Variants in MARCHF1 observed in about 807,000 individuals in gnomAD.
MARCHF1 encodes membrane associated ring-CH-type finger 1.
A neutral mutation model predicts 54.2 loss-of-function variants in MARCHF1; 40 were observed. That is an observed-to-expected ratio of 0.74 (90% CI 0.57 to 0.96). The LOEUF is 0.96. MARCHF1 is among the 40% of genes least tolerant of loss of function. MARCHF1 has a pLI of 0.00. For missense variants in MARCHF1, 586 were observed against 656.5 expected, an observed-to-expected ratio of 0.89 and a Z score of 1.17; for synonymous variants, 236 against 236.3, an observed-to-expected ratio of 1.00 and a Z score of 0.01.
At chr4:164,248,212 T>G (rs1478104343) in intron 1 of MARCHF1, among the ~76,000 whole-genome samples, 4 of 152,078 alleles carry the variant, frequency 2.6e-5, no homozygotes, top group African/African-American at 9.7e-5. Flanking sequence ...TAGTGACCAA[T>G]ATTCTCGAGC....
Position 164,375,642 on chromosome 4 carries a change from T to C in MARCHF1, c.-323+8228A>G, listed in dbSNP as rs148027187. Among the ~76,000 whole-genome samples the C allele has an allele frequency of 3.1e-3, 479 of 152,298 alleles. 1 individual carries two copies. The highest frequency in any genetic ancestry group is 0.01 in the African/African-American group (434 of 41,566). On this transcript the variant is annotated intron_variant, in intron 1 of 9. Transcript: ENST00000514618. The stretch of plus-strand genomic sequence containing the variant: ...TTTGCAAATAGATGGTCTGTATTTG[T>C]TAGCACCTTTTTACTGCTCCCCTAC...
intron 2 of MARCHF1, among the ~76,000 whole-genome samples, chr4:164,067,903 G>A (rs1001219050): frequency 2.1e-5 from 3 of 144,786 alleles, no homozygotes; most frequent in Non-Finnish European, 4.6e-5. Flanking sequence ...ATTAAAAAAT[G>A]GGTAAACCAT....
At chr4:163,845,412 T>G (rs1749455221) in intron 4 of MARCHF1, among the ~76,000 whole-genome samples, 1 of 151,010 alleles carries the variant, frequency 6.6e-6, no homozygotes, top group Non-Finnish European at 1.5e-5. Context: ...AGAAGAAACC[T>G]TTGGCATCTT....
In MARCHF1 at chr4:163,544,733, T is replaced by A. The variant is rs533604663; in HGVS notation, c.1339+863A>T. ...CTCTTTTTTTGTTCTTTCATTTTCT[T>A]CCATTTTTTCTCTGGGTGTAGGGAT... On this transcript the variant is annotated intron_variant, in intron 9 of 9. Transcript: ENST00000514618. Among the ~76,000 whole-genome samples the A allele has an allele frequency of 2.2e-3, 335 of 152,350 alleles. 1 individual carries two copies. The highest frequency in any genetic ancestry group is 7.4e-3 in the African/African-American group (306 of 41,576).
rs55714281 is a variant in MARCHF1, at chr4:163,883,258, T to TGA, written c.-38-29091_-38-29090dup. Among the ~76,000 whole-genome samples the TGA allele has an allele frequency of 1.4e-3, 209 of 145,544 alleles. 1 individual carries two copies. Among genetic ancestry groups the TGA allele is most frequent in the Middle Eastern group, 0.011 (3 of 278 alleles). Reference sequence around the variant, plus strand: ...GTATATGTGTGTGTATATATATATATGAGAGAGAGAGAGAGAGAGAGAGAG... The same window carrying TGA: ...GTATATGTGTGTGTATATATATATATGAGAGAGAGAGAGAGAGAGAGAGAGAG... On this transcript the variant is annotated intron_variant, in intron 3 of 9. Transcript: ENST00000514618.
At chr4:163,647,411 G>A (rs1452106679) in intron 5 of MARCHF1, among the ~76,000 whole-genome samples, 3 of 151,974 alleles carry the variant, frequency 2.0e-5, no homozygotes, top group African/African-American at 7.2e-5. Context: ...AGGTGAAATG[G>A]ACCTAACAGA....
At chr4:163,859,134 T>C (rs754136584) in intron 3 of MARCHF1, among the ~76,000 whole-genome samples, 2 of 152,154 alleles carry the variant, frequency 1.3e-5, no homozygotes, top group Non-Finnish European at 2.9e-5. Flanking sequence ...AAGGCTTAAA[T>C]TCTTGGTGCT....
At position 163,733,201 on chromosome 4, in the gene MARCHF1, A is replaced by G. The variant is rs1383040478; in HGVS notation, c.112-32338T>C. On this transcript the variant is annotated intron_variant, in intron 4 of 9. Coordinates refer to ENST00000514618, the MANE Select transcript of MARCHF1 (RefSeq NM_001394959.1). Reference sequence around the variant, plus strand: ...TGTATATATATATATATATATATATATATATATATATATATATATACACGT... The same window carrying G: ...TGTATATATATATATATATATATATGTATATATATATATATATATACACGT... Among the ~76,000 whole-genome samples, 2 of 34,260 alleles carry G rather than the reference A, an allele frequency of 5.8e-5. 1 individual carries two copies. The highest frequency in any genetic ancestry group is 1.8e-4 in the African/African-American group (2 of 11,304). The allele number at this position is 34,260 out of a possible 152,430, so 22.5% of individuals were successfully genotyped here.
chr4:163,674,860 T>C (rs761559579), intron 5 of MARCHF1, among the ~76,000 whole-genome samples: 5 of 152,206 alleles, frequency 3.3e-5, no homozygotes, highest in African/African-American at 4.8e-5. Context: ...TAATATGTTA[T>C]GGTTGAAATA....
chr4:163,892,491 G>A (rs972089377), intron 3 of MARCHF1, among the ~76,000 whole-genome samples: 2 of 151,516 alleles, frequency 1.3e-5, no homozygotes, highest in East Asian at 1.9e-4. Flanking sequence ...ACCTTCTAGA[G>A]TTGTCATCAG....
chr4:163,663,999 T>C (rs1482550408), intron 5 of MARCHF1, among the ~76,000 whole-genome samples: 2 of 151,196 alleles, frequency 1.3e-5, no homozygotes, highest in African/African-American at 4.9e-5. Flanking sequence ...TCAGCTGTGA[T>C]ACATGAATTT....
chr4:163,945,593 T>C (rs1277389914), intron 3 of MARCHF1, among the ~76,000 whole-genome samples: 1 of 152,220 alleles, frequency 6.6e-6, no homozygotes, highest in Admixed American at 6.5e-5. Flanking sequence ...AGGAGTTACA[T>C]AATTCATTAT....
At chr4:163,793,595 AAAG>A (rs1225030492) in intron 4 of MARCHF1, among the ~76,000 whole-genome samples, 2 of 152,268 alleles carry the variant, frequency 1.3e-5, no homozygotes, top group East Asian at 1.9e-4. Flanking sequence ...GCCTCCAAAG[AAAG>A]AAGAAGTAAA....
rs559015706 is a variant in MARCHF1, at chr4:163,831,504, T to C, written c.111+22517A>G. 2.2e-3 allele frequency among the ~76,000 whole-genome samples: 342 copies of C among 152,280 alleles called. 2 individuals carry two copies. The highest frequency in any genetic ancestry group is 7.8e-3 in the African/African-American group (326 of 41,536). ...TCCTCGGGAGTCTGAGGTGGGGGGA[T>C]TGCTTGAGTCCAGGAGTTGGTGGCT... On this transcript the variant is annotated intron_variant, in intron 4 of 9. Transcript: ENST00000514618.
At chr4:163,580,243 TA>T (rs1186803624) in intron 8 of MARCHF1, among the ~76,000 whole-genome samples, 2 of 151,718 alleles carry the variant, frequency 1.3e-5, no homozygotes, top group Non-Finnish European at 2.9e-5. Context: ...CACACCCAGG[TA>T]ATTTTTTGTA....
rs567098928 is a variant in MARCHF1 at position 163,657,145 on chromosome 4, C to T, written c.162+43668G>A. 2.0e-5 allele frequency among the ~76,000 whole-genome samples: 3 copies of T among 151,992 alleles called. No individual in the cohort carries two copies. In the East Asian group the frequency reaches 5.8e-4, roughly 30 times the overall value. On this transcript the variant is annotated intron_variant, in intron 5 of 9. Coordinates refer to ENST00000514618, the MANE Select transcript of MARCHF1 (RefSeq NM_001394959.1). Reference sequence around the variant, plus strand: ...GTCTTTGTTTGCAGATGACATGATCCTATATCTAGAAAACCCCATTGTCTC... The same window carrying T: ...GTCTTTGTTTGCAGATGACATGATCTTATATCTAGAAAACCCCATTGTCTC...
chr4:163,959,351 A>C (rs1752296137), intron 3 of MARCHF1, among the ~76,000 whole-genome samples: 1 of 151,752 alleles, frequency 6.6e-6, no homozygotes, highest in Non-Finnish European at 1.5e-5. Context: ...AACAACAAAA[A>C]AACAAAAAAC....
chr4:164,106,092 C>T (rs1579539221), intron 2 of MARCHF1, among the ~76,000 whole-genome samples: 3 of 151,006 alleles, frequency 2.0e-5, no homozygotes, highest in South Asian at 2.1e-4. Context: ...GTTAGAATGG[C>T]GATCATTAAG....
At position 163,824,194 on chromosome 4, in the gene MARCHF1, T is replaced by C. The variant is rs538317158; in HGVS notation, c.111+29827A>G. Among the ~76,000 whole-genome samples the C allele has an allele frequency of 1.9e-3, 296 of 152,132 alleles. 1 individual carries two copies. Among genetic ancestry groups the C allele is most frequent in the Non-Finnish European group, 3.1e-3 (208 of 67,926 alleles). The stretch of plus-strand genomic sequence containing the variant: ...CTTTCAAAGCTCATATTTATGGTTA[T>C]TTATTTCAAATTAAGGTTTTAAAAT... On this transcript the variant is annotated intron_variant, in intron 4 of 9. Transcript: ENST00000514618.
Sources: allele counts gnomAD v4.1 joint callset (sites outside exome capture counted in the v4.1 genomes callset), GRCh38; gene constraint gnomAD v4.1.1; transcripts MANE v1.5; gene names NCBI Gene and HGNC (gene_info 2026-07-23, HGNC 2026-07-21).